The following C8orf34 variants were observed in gnomAD, a reference collection of about 807,000 sequenced individuals.
C8orf34 encodes uncharacterized protein C8orf34.
A neutral mutation model predicts 68.3 loss-of-function variants in C8orf34; 65 were observed. The ratio of observed to expected loss-of-function variants is 0.95; its 90% CI spans 0.78 to 1.17. The LOEUF is 1.17. C8orf34 is among the 50% of genes most tolerant of loss of function. The pLI is 0.00. For missense variants in C8orf34, 664 were observed against 655.4 expected, an observed-to-expected ratio of 1.01 and a Z score of -0.14; for synonymous variants, 244 against 241.2, an observed-to-expected ratio of 1.01 and a Z score of -0.11.
At chr8:68,512,207 TTAACA>T (rs1470581689) in intron 5 of C8orf34, among the ~76,000 whole-genome samples, 2 of 152,216 alleles carry the variant, frequency 1.3e-5, no homozygotes, top group Non-Finnish European at 2.9e-5. Context: ...TTACCATAAC[TTAACA>T]TAACAACGTT....
At chr8:68,697,538 C>A (rs940430113) in intron 8 of C8orf34, among the ~76,000 whole-genome samples, 25 of 152,074 alleles carry the variant, frequency 1.6e-4, no homozygotes, top group Non-Finnish European at 3.4e-4. Flanking sequence ...ATTTCTATTA[C>A]TCAAATGACC....
chr8:68,631,787 C>G (rs773412723), intron 7 of C8orf34, among the ~76,000 whole-genome samples: 4 of 152,116 alleles, frequency 2.6e-5, no homozygotes, highest in Admixed American at 6.5e-5. Context: ...CCTCTTTGCT[C>G]TCTCTCTCCT....
At chr8:68,807,184 CTTTG>C (rs886840117) in intron 12 of C8orf34, among the ~76,000 whole-genome samples, 60 of 152,176 alleles carry the variant, frequency 3.9e-4, no homozygotes, top group African/African-American at 1.4e-3. Flanking sequence ...CTTCTGCCAT[CTTTG>C]TTTGGTCAAG....
At chr8:68,572,881 G>A (rs1816797744) in intron 7 of C8orf34, among the ~76,000 whole-genome samples, 1 of 152,102 alleles carries the variant, frequency 6.6e-6, no homozygotes, top group African/African-American at 2.4e-5. Flanking sequence ...TTATTTTTGT[G>A]TTAGAGCTGG....
At chr8:68,379,745 G>A (rs1472039208) in intron 1 of C8orf34, among the ~76,000 whole-genome samples, 1 of 152,144 alleles carries the variant, frequency 6.6e-6, no homozygotes, top group East Asian at 1.9e-4. Flanking sequence ...CCACTTTGTA[G>A]AAAAGAAAAA....
intron 10 of C8orf34, among the ~76,000 whole-genome samples, chr8:68,742,888 G>A (rs923288526): frequency 6.6e-6 from 1 of 152,050 alleles, no homozygotes; most frequent in African/African-American, 2.4e-5. Flanking sequence ...TTTTCTTCCT[G>A]AAGTTCCTGC....
intron 7 of C8orf34, among the ~76,000 whole-genome samples, chr8:68,615,646 G>A (rs917923792): frequency 6.6e-6 from 1 of 152,214 alleles, no homozygotes; most frequent in Non-Finnish European, 1.5e-5. Context: ...AAGCCCACTT[G>A]ATCATGGTGG....
intron 7 of C8orf34, among the ~76,000 whole-genome samples, chr8:68,555,886 A>G (rs542649797): frequency 1.2e-4 from 18 of 152,220 alleles, no homozygotes; most frequent in Middle Eastern, 3.4e-3. Context: ...CCAGATTTAC[A>G]CTATTACCCT....
intron 7 of C8orf34, among the ~76,000 whole-genome samples, chr8:68,546,165 ACAAAGCAGTTGGGG>A (rs1815872017): frequency 6.6e-6 from 1 of 152,112 alleles, no homozygotes; most frequent in African/African-American, 2.4e-5. Flanking sequence ...ACTAATGCAC[ACAAAGCAGTTGGGG>A]CAAATAGAAA....
chr8:68,683,998 A>C (rs1384486525), intron 8 of C8orf34, among the ~76,000 whole-genome samples: 3 of 152,210 alleles, frequency 2.0e-5, no homozygotes, highest in Non-Finnish European at 4.4e-5. Flanking sequence ...ATTTTAAAAC[A>C]AAAAACCTAT....
Position 68,487,720 on chromosome 8 carries a change from A to G in C8orf34, c.737-303A>G, listed in dbSNP as rs562404466. On this transcript the variant is annotated intron_variant, in intron 4 of 13. Coordinates refer to ENST00000518698, the MANE Select transcript of C8orf34 (RefSeq NM_052958.4). ...ATTGTCATCATAACATAAAAATGAT[A>G]TCTCTACAATTACATTCGCAAGTTT... Among the ~76,000 whole-genome samples the G allele has an allele frequency of 6.6e-5, 10 of 152,352 alleles. No individual in the cohort carries two copies. The South Asian group carries it at 2.1e-3, about 32-fold the overall frequency.
intron 1 of C8orf34, among the ~76,000 whole-genome samples, chr8:68,385,305 C>T (rs1336001721): frequency 1.3e-5 from 2 of 152,170 alleles, no homozygotes; most frequent in Non-Finnish European, 2.9e-5. Flanking sequence ...AACAAAGTAG[C>T]AAACCCACAT....
intron 7 of C8orf34, chr8:68,534,025 C>CA: frequency 1.0e-6 from 1 of 976,952 alleles, no homozygotes; most frequent in Non-Finnish European, 1.2e-6. Context: ...TATGGAATCT[C>CA]AGAAAAATAT....
chr8:68,519,591 C>T (rs1814662054), intron 5 of C8orf34, among the ~76,000 whole-genome samples: 1 of 151,776 alleles, frequency 6.6e-6, no homozygotes, highest in African/African-American at 2.4e-5. Context: ...TAACCCTTGG[C>T]TTATATTTTA....
At position 68,341,317 on chromosome 8, in the gene C8orf34, T is replaced by C. The variant is rs76682261; in HGVS notation, c.327+9978T>C. ...AATGGAGGGAGGATAGCTTTTTCAA[T>C]TATCAGTGCTCCTGGAGCATTTGGA... On this transcript the variant is annotated intron_variant, in intron 1 of 13. Coordinates refer to ENST00000518698, the MANE Select transcript of C8orf34 (RefSeq NM_052958.4). Among the ~76,000 whole-genome samples the C allele has an allele frequency of 7.9e-3, 1,196 of 152,304 alleles. 19 individuals are homozygous for C. Among genetic ancestry groups the C allele is most frequent in the African/African-American group, 0.027 (1,102 of 41,554 alleles).
chr8:68,751,860 AAT>A (rs1390987395), intron 10 of C8orf34, among the ~76,000 whole-genome samples: 1 of 150,862 alleles, frequency 6.6e-6, no homozygotes, highest in Admixed American at 6.6e-5. Context: ...TAAAATATAA[AAT>A]ATATATTTGA....
At chr8:68,765,774 C>A (rs1823154229) in intron 10 of C8orf34, among the ~76,000 whole-genome samples, 1 of 152,182 alleles carries the variant, frequency 6.6e-6, no homozygotes, top group Admixed American at 6.6e-5. Flanking sequence ...ATAGCATTTT[C>A]TCTAAATCAC....
At chr8:68,443,658 G>A (rs1318261755) in intron 2 of C8orf34, among the ~76,000 whole-genome samples, 6 of 151,764 alleles carry the variant, frequency 4.0e-5, no homozygotes, top group Admixed American at 6.6e-5. Flanking sequence ...TGCCCACCTC[G>A]GCCTCCCAAA....
intron 1 of C8orf34, among the ~76,000 whole-genome samples, chr8:68,436,115 G>A (rs939452719): frequency 6.6e-6 from 1 of 152,116 alleles, no homozygotes; most frequent in Non-Finnish European, 1.5e-5. Context: ...GGCTGAGGTG[G>A]AAGAATTGCT....
Sources: allele counts gnomAD v4.1 joint callset (sites outside exome capture counted in the v4.1 genomes callset), GRCh38; gene constraint gnomAD v4.1.1; transcripts MANE v1.5; gene names NCBI Gene and HGNC (gene_info 2026-07-23, HGNC 2026-07-21).